Variants in EYA1 observed in about 807,000 individuals in gnomAD.
EYA1 encodes the protein protein phosphatase EYA1.
In EYA1, 16 loss-of-function variants were observed where a neutral mutation model predicts 82.0. That is an observed-to-expected ratio of 0.20 (90% CI 0.13 to 0.30). The LOEUF is 0.30. Among genes scored for constraint, EYA1 ranks in the 10% least tolerant of loss-of-function variants. EYA1 has a pLI of 1.00. For synonymous variants in EYA1, 261 were observed against 264.4 expected (o/e 0.99, Z 0.12); for missense variants, 633 against 730.7 (o/e 0.87, Z 1.54).
intron 17 of EYA1, among the ~76,000 whole-genome samples, chr8:71,202,825 C>G (rs1807225739): frequency 6.6e-6 from 1 of 152,106 alleles, no homozygotes; most frequent in Non-Finnish European, 1.5e-5. Context: ...TTAAGAAATG[C>G]ACATTTTGTA....
At chr8:71,415,851 A>G (rs1016180525) in intron 2 of EYA1, among the ~76,000 whole-genome samples, 63 of 152,248 alleles carry the variant, frequency 4.1e-4, no homozygotes, top group Non-Finnish European at 1.5e-4. Flanking sequence ...ACAAATTTCT[A>G]TAAGCATAAA....
At chr8:71,216,590 A>G in intron 14 of EYA1, 102 bp downstream of exon 14, 1 of 1,226,410 alleles carries the variant, frequency 8.2e-7, no homozygotes, top group Non-Finnish European at 1.2e-6. Context: ...GCCCAAATAG[A>G]AGCTATTATA....
At chr8:71,234,428 C>A (rs964240750) in intron 12 of EYA1, among the ~76,000 whole-genome samples, 1 of 152,152 alleles carries the variant, frequency 6.6e-6, no homozygotes, top group Admixed American at 6.5e-5. Context: ...TCTTCCACTT[C>A]ATTGACATGG....
intron 11 of EYA1, among the ~76,000 whole-genome samples, chr8:71,252,786 A>G (rs80075202): frequency 0.034 from 5,244 of 152,298 alleles, 260 homozygotes; most frequent in African/African-American, 0.11. Flanking sequence ...ATTCTTCAAA[A>G]AAATCAATTA....
At chr8:71,338,456 C>T (rs537869308) in intron 3 of EYA1, among the ~76,000 whole-genome samples, 2 of 152,280 alleles carry the variant, frequency 1.3e-5, no homozygotes, top group Non-Finnish European at 2.9e-5. Context: ...AGAAAACCAT[C>T]TTCCTTCGTC....
At chr8:71,366,532 C>G (rs2129084902), upstream of EYA1, among the ~76,000 whole-genome samples, 1 of 152,212 alleles carries the variant, frequency 6.6e-6, no homozygotes, top group Admixed American at 6.5e-5. Flanking sequence ...CAGCACCTCC[C>G]AAAACATGTA....
At chr8:71,299,760 G>A (rs376014773) in intron 7 of EYA1, 40 bp from the exon 8 acceptor site, 1 of 1,015,572 alleles carries the variant, frequency 9.8e-7, no homozygotes, top group Non-Finnish European at 1.6e-6. Flanking sequence ...TACCAGGCTT[G>A]TGGAATAATG....
rs1391751363 is a variant in EYA1 at position 71,417,384 on chromosome 8, A to G, written c.34-60873T>C. ...AATGGTTGTAGATATTTCTGATTGTATGAAAGGTAAAGTATTCACAAGTTC... is the reference window on the plus strand; with the variant it reads ...AATGGTTGTAGATATTTCTGATTGTGTGAAAGGTAAAGTATTCACAAGTTC... On this transcript the variant is annotated intron_variant, in intron 2 of 18. Coordinates refer to the EYA1 transcript ENST00000643681. Among the ~76,000 whole-genome samples, 4 of 152,348 alleles carry G rather than the reference A, an allele frequency of 2.6e-5. No individual in the cohort carries two copies. The East Asian group carries it at 5.8e-4, about 22-fold the overall frequency.
intron 5 of EYA1, 126 bp downstream of exon 5, chr8:71,322,073 T>C: frequency 1.8e-6 from 2 of 1,096,170 alleles, no homozygotes; most frequent in Admixed American, 3.8e-5. Flanking sequence ...TATCAATATG[T>C]TTACATCTCT....
chr8:71,298,788 G>C (rs1488116387), intron 9 of EYA1, among the ~76,000 whole-genome samples: 1 of 152,082 alleles, frequency 6.6e-6, no homozygotes, highest in Admixed American at 6.6e-5. Flanking sequence ...AAACTACACA[G>C]ATCTTAAAAA....
chr8:71,454,424 A>G (rs1459056040), intron 2 of EYA1, among the ~76,000 whole-genome samples: 1 of 152,222 alleles, frequency 6.6e-6, no homozygotes, highest in Non-Finnish European at 1.5e-5. Flanking sequence ...AGCGGACTTA[A>G]TAGACATCTA....
At chr8:71,497,428 A>C (rs1001662082) in intron 2 of EYA1, among the ~76,000 whole-genome samples, 1 of 152,242 alleles carries the variant, frequency 6.6e-6, no homozygotes, top group Non-Finnish European at 1.5e-5. Context: ...GTCCCTGAAT[A>C]GGTATTTCTT....
chr8:71,309,720 A>C (rs1821124817), intron 7 of EYA1, among the ~76,000 whole-genome samples: 1 of 152,184 alleles, frequency 6.6e-6, no homozygotes. Context: ...GAGGCAGATC[A>C]AAGGAAACAA....
intron 9 of EYA1, among the ~76,000 whole-genome samples, chr8:71,297,654 C>T (rs1819734361): frequency 6.6e-6 from 1 of 152,116 alleles, no homozygotes; most frequent in African/African-American, 2.4e-5. Context: ...CATTACCTTT[C>T]CTCATGATGC....
chr8:71,474,148 G>A lies in EYA1; in HGVS notation c.33+61596C>T, dbSNP rs557906274. On this transcript the variant is annotated intron_variant, in intron 2 of 18. Transcript: ENST00000643681. ...ACCACCATGGCACATGTATACCTAT[G>A]TAACAAACCTGCACGTTCTGCACAT... 3.8e-4 allele frequency among the ~76,000 whole-genome samples: 55 copies of A among 144,406 alleles called. 2 individuals carry two copies. The East Asian group carries it at 9.8e-3, about 26-fold the overall frequency. 94.7% of individuals were successfully genotyped at this position (144,406 alleles called of 152,430 possible).
chr8:71,267,743 T>A (rs1348322021), intron 11 of EYA1, among the ~76,000 whole-genome samples: 1 of 152,124 alleles, frequency 6.6e-6, no homozygotes, highest in Admixed American at 6.5e-5. Context: ...AGAGACGGGG[T>A]TTCACTGTGT....
At position 71,500,637 on chromosome 8, in the gene EYA1, C is replaced by T. The variant is rs889437679; in HGVS notation, c.33+35107G>A. On this transcript the variant is annotated intron_variant, in intron 2 of 18. Coordinates refer to the EYA1 transcript ENST00000643681. ...TGTCAAGTGACTAACAATGACTATA[C>T]ACAACTTCGATCTTGATGTATCTAT... 1.1e-4 allele frequency among the ~76,000 whole-genome samples: 16 copies of T among 152,244 alleles called. No individual in the cohort carries two copies. In the East Asian group the frequency reaches 2.7e-3, roughly 26 times the overall value.
chr8:71,367,460 G>T (rs900322769), intron 2 of EYA1, among the ~76,000 whole-genome samples: 6 of 151,858 alleles, frequency 4.0e-5, no homozygotes, highest in Non-Finnish European at 7.4e-5. Context: ...GCCAGAGACT[G>T]GGGAAAGGGA....
chr8:71,469,137 C>G (rs1275420796), intron 2 of EYA1, among the ~76,000 whole-genome samples: 1 of 150,122 alleles, frequency 6.7e-6, no homozygotes, highest in Non-Finnish European at 1.5e-5. Context: ...GTTTTAGGCA[C>G]CCTAGTACAT....
Sources: allele counts gnomAD v4.1 joint callset (sites outside exome capture counted in the v4.1 genomes callset), GRCh38; gene constraint gnomAD v4.1.1; transcripts MANE v1.5; gene names NCBI Gene and HGNC (gene_info 2026-07-23, HGNC 2026-07-21).